THEM4: variants seen among roughly 807,000 people sequenced by gnomAD.
THEM4 encodes acyl-coenzyme A thioesterase THEM4.
A neutral mutation model predicts 25.0 loss-of-function variants in THEM4; 22 were observed. The observed-to-expected ratio is 0.88, with a 90% CI of 0.63 to 1.26. The LOEUF is 1.26. Among genes scored for constraint, THEM4 ranks in the 50% most tolerant of loss-of-function variants. The pLI is 0.00. For synonymous variants in THEM4, 113 were observed against 105.6 expected, an observed-to-expected ratio of 1.07 and a Z score of -0.43; for missense variants, 286 against 300.3, an observed-to-expected ratio of 0.95 and a Z score of 0.35.
chr1:151,879,918 G>A (rs549731890), intron 4 of THEM4, among the ~76,000 whole-genome samples: 4 of 151,874 alleles, frequency 2.6e-5, no homozygotes, highest in South Asian at 2.1e-4. Flanking sequence ...GGCCTCCCAA[G>A]GTGCTGAGAT....
rs754451699 is a variant in THEM4 at position 151,895,053 on chromosome 1, G to A, written c.241C>T (p.Arg81Cys). ...GSWKRLPSYK[R>C]TPTEWIQDFK... ...TCTTGAATCCATTCAGTAGGTGTACGTTTATATGAAGGCAAACGTTTCCAG... is the reference window on the plus strand; with the variant it reads ...TCTTGAATCCATTCAGTAGGTGTACATTTATATGAAGGCAAACGTTTCCAG... Residue 81 changes from arginine to cysteine, a missense_variant, in exon 2 of 6, where the codon CGT becomes TGT. Transcript: ENST00000368814. 9.2e-5 allele frequency: 149 copies of A among 1,614,042 alleles called. No homozygotes were observed. The highest frequency in any genetic ancestry group is 1.1e-4 in the Non-Finnish European group (131 of 1,180,004).
At chr1:151,908,099 T>C (rs1000082836) in intron 1 of THEM4, among the ~76,000 whole-genome samples, 1 of 152,254 alleles carries the variant, frequency 6.6e-6, no homozygotes, top group African/African-American at 2.4e-5. Context: ...TAAGAGGTTC[T>C]TCCCCCAGGC....
intron 4 of THEM4, among the ~76,000 whole-genome samples, chr1:151,880,782 T>C (rs1653795715): frequency 1.3e-5 from 2 of 152,310 alleles, no homozygotes; most frequent in South Asian, 2.1e-4. Flanking sequence ...ATATGTCTCA[T>C]ATAGTTTCTA....
intron 1 of THEM4, among the ~76,000 whole-genome samples, chr1:151,905,333 C>T (rs968025144): frequency 1.3e-5 from 2 of 152,092 alleles, no homozygotes; most frequent in African/African-American, 2.4e-5. Context: ...CCATTATTCT[C>T]ACCCTTCTGT....
At chr1:151,899,114 T>G (rs1654289330) in intron 1 of THEM4, among the ~76,000 whole-genome samples, 1 of 152,054 alleles carries the variant, frequency 6.6e-6, no homozygotes, top group Non-Finnish European at 1.5e-5. Flanking sequence ...TGAAAAAGAA[T>G]TCAGGAGGTT....
intron 2 of THEM4, 149 bp from the exon 3 acceptor site, chr1:151,889,522 G>C (rs1407413981): frequency 1.5e-5 from 10 of 687,406 alleles, no homozygotes; most frequent in Non-Finnish European, 2.4e-5. Context: ...GAATGGGAGC[G>C]TCTCAATGAA....
intron 4 of THEM4, among the ~76,000 whole-genome samples, chr1:151,883,004 GAAGGGA>G (rs1400406670): frequency 1.3e-5 from 2 of 152,098 alleles, no homozygotes; most frequent in Admixed American, 6.6e-5. Flanking sequence ...CGGCAAAGGT[GAAGGGA>G]AAGGGGAAGG....
Position 151,873,262 on chromosome 1 carries a change from C to G in THEM4, c.*1626G>C, listed in dbSNP as rs893519722. Among the ~76,000 whole-genome samples, 1 of 152,196 alleles carries G rather than the reference C, an allele frequency of 6.6e-6. No homozygotes were observed. Among genetic ancestry groups the G allele is most frequent in the African/African-American group, 2.4e-5 (1 of 41,446 alleles). ...GATTTTCCTGCTGACCTTCTCCCCA[C>G]TATCACCCTGTTCTCCTGCTGCATT... On this transcript the variant is annotated 3_prime_UTR_variant, in exon 6 of 6. Transcript: ENST00000368814.
chr1:151,909,437 G>C lies in THEM4; in HGVS notation c.22C>G (p.Arg8Gly), dbSNP rs1654553224. 2 of 1,458,396 alleles carry C rather than the reference G, an allele frequency of 1.4e-6. No individual in the cohort carries two copies. The highest frequency in any genetic ancestry group is 1.8e-6 in the Non-Finnish European group (2 of 1,113,450). The allele number at this position is 1,458,396 out of a possible 1,614,324, so 90.3% of individuals were successfully genotyped here. A position where few individuals can be genotyped will look rare whatever the true frequency, so the allele number is the denominator to read the frequency against. Residue 8 changes from arginine (R) to glycine (G), a missense_variant, in exon 1 of 6, where the codon CGC becomes GGC. Transcript: ENST00000368814. MLRSCAA[R>G]LRTLGALCLP... Reference sequence around the variant, plus strand: ...CACAGAGCCCCCAGCGTGCGGAGGCGCGCGGCGCAGCTCCTCAGCATGGCT... The same window carrying C: ...CACAGAGCCCCCAGCGTGCGGAGGCCCGCGGCGCAGCTCCTCAGCATGGCT...
intron 1 of THEM4, among the ~76,000 whole-genome samples, chr1:151,904,196 GC>G (rs1265491072): frequency 6.6e-6 from 1 of 152,280 alleles, no homozygotes; most frequent in Admixed American, 6.5e-5. Context: ...TAGGGTTTCA[GC>G]CTTCATATAT....
intron 4 of THEM4, among the ~76,000 whole-genome samples, chr1:151,885,506 A>T (rs1200086327): frequency 6.6e-6 from 1 of 152,186 alleles, no homozygotes; most frequent in African/African-American, 2.4e-5. Context: ...CTGAGGTCTA[A>T]ATCTTATTTA....
At position 151,871,325 on chromosome 1, in the gene THEM4, G is replaced by GAAAAAAAAAAAAAA. The variant is rs11304399; in HGVS notation, c.*3549_*3562dup. On this transcript the variant is annotated 3_prime_UTR_variant, in exon 6 of 6. Coordinates refer to ENST00000368814, the MANE Select transcript of THEM4 (RefSeq NM_053055.5). ...AGGCGACAGAGCCAGACCCTGTCTT[G>GAAAAAAAAAAAAAA]AAAAAAAAAAAAAAAAAAGAAAAAG... is the stretch of plus-strand genomic sequence containing the variant. Among the ~76,000 whole-genome samples the GAAAAAAAAAAAAAA allele has an allele frequency of 8.1e-6, 1 of 123,732 alleles. No homozygotes were observed. Among genetic ancestry groups the GAAAAAAAAAAAAAA allele is most frequent in the African/African-American group, 3.1e-5 (1 of 32,428 alleles). 81.2% of individuals were successfully genotyped at this position (123,732 alleles called of 152,430 possible). A position where few individuals can be genotyped will look rare whatever the true frequency, so the allele number is the denominator to read the frequency against.
At chr1:151,903,794 C>CTT (rs1261139864) in intron 1 of THEM4, among the ~76,000 whole-genome samples, 3 of 152,182 alleles carry the variant, frequency 2.0e-5, no homozygotes, top group Non-Finnish European at 4.4e-5. Flanking sequence ...TTCCACTGTC[C>CTT]TTTTATGGAT....
chr1:151,907,099 C>T (rs1654487338), intron 1 of THEM4, among the ~76,000 whole-genome samples: 1 of 152,172 alleles, frequency 6.6e-6, no homozygotes, highest in African/African-American at 2.4e-5. Context: ...CGAAGGTCTG[C>T]AGCTTCACTC....
At chr1:151,887,878 T>C (rs1654006895) in intron 4 of THEM4, among the ~76,000 whole-genome samples, 1 of 152,212 alleles carries the variant, frequency 6.6e-6, no homozygotes, top group Non-Finnish European at 1.5e-5. Context: ...TTTGGTTATT[T>C]TCTCTAGAGT....
intron 1 of THEM4, among the ~76,000 whole-genome samples, chr1:151,900,846 G>A (rs990332910): frequency 6.6e-6 from 1 of 152,214 alleles, no homozygotes; most frequent in African/African-American, 2.4e-5. Flanking sequence ...TGACATATTC[G>A]TGATGGCCAT....
rs533956209 is a variant in THEM4, at chr1:151,901,704, G to C, written c.100-6510C>G. 3.3e-5 allele frequency among the ~76,000 whole-genome samples: 5 copies of C among 152,264 alleles called. 1 individual carries two copies. The East Asian group carries it at 9.6e-4, about 29-fold the overall frequency. On this transcript the variant is annotated intron_variant, in intron 1 of 5. Coordinates refer to ENST00000368814, the MANE Select transcript of THEM4 (RefSeq NM_053055.5). ...CTAAAAATACAAAAATCAGCCAGGA[G>C]TGGTGGCATGCGCCTGTAATCCCAG...
chr1:151,883,505 T>C (rs1653890914), intron 4 of THEM4, among the ~76,000 whole-genome samples: 1 of 152,108 alleles, frequency 6.6e-6, no homozygotes, highest in Non-Finnish European at 1.5e-5. Flanking sequence ...CAGTCACCTC[T>C]CACCAGGTCC....
chr1:151,891,069 A>G (rs566031234), intron 2 of THEM4: 7 of 152,288 alleles, frequency 4.6e-5, no homozygotes, highest in Middle Eastern at 3.4e-3. Flanking sequence ...AAAAGCTACT[A>G]CTCTCAAGAG....
Sources: allele counts gnomAD v4.1 joint callset (sites outside exome capture counted in the v4.1 genomes callset), GRCh38; gene constraint gnomAD v4.1.1; transcripts MANE v1.5; gene names NCBI Gene and HGNC (gene_info 2026-07-23, HGNC 2026-07-21).